RCSD1: variants seen among roughly 807,000 people sequenced by gnomAD.
RCSD1 encodes the protein capZ-interacting protein.
A neutral mutation model predicts 42.5 loss-of-function variants in RCSD1; 26 were observed. The ratio of observed to expected loss-of-function variants is 0.61; its 90% confidence interval spans 0.45 to 0.85. The LOEUF (loss-of-function observed/expected upper bound fraction) is 0.85. RCSD1 is among the 40% of genes least tolerant of loss of function. The pLI is 0.00. For synonymous variants in RCSD1, 220 were observed against 212.2 expected, an observed-to-expected ratio of 1.04 and a Z score of -0.32; for missense variants, 571 against 528.3, an observed-to-expected ratio of 1.08 and a Z score of -0.79.
At chr1:167,634,348 A>G (rs1657777302) in intron 1 of RCSD1, among the ~76,000 whole-genome samples, 1 of 152,026 alleles carries the variant, frequency 6.6e-6, no homozygotes, top group Non-Finnish European at 1.5e-5. Flanking sequence ...TTGTTGCATG[A>G]GCAAATATTG....
At chr1:167,689,126 C>T (rs1571099484) in intron 3 of RCSD1, among the ~76,000 whole-genome samples, 1 of 152,110 alleles carries the variant, frequency 6.6e-6, no homozygotes, top group African/African-American at 2.4e-5. Flanking sequence ...CTGAATCATG[C>T]TCATCTTTGT....
At chr1:167,692,087 C>A (rs1659390996) in intron 4 of RCSD1, among the ~76,000 whole-genome samples, 1 of 148,772 alleles carries the variant, frequency 6.7e-6, no homozygotes, top group South Asian at 2.1e-4. Context: ...TGGGGAAACA[C>A]AACAACTTGA....
intron 1 of RCSD1, among the ~76,000 whole-genome samples, chr1:167,637,289 T>G (rs1403933891): frequency 1.3e-5 from 2 of 152,132 alleles, no homozygotes; most frequent in Non-Finnish European, 2.9e-5. Context: ...ATAAAGATAT[T>G]TGAGGACTAG....
At position 167,694,379 on chromosome 1, in the gene RCSD1, G is replaced by A. The variant is rs539079177; in HGVS notation, c.474+77G>A. The A allele has an allele frequency of 5.2e-5, 71 of 1,361,780 alleles. No individual in the cohort carries two copies. The South Asian group carries it at 8.7e-4, about 17-fold the overall frequency. 84.4% of individuals were successfully genotyped at this position (1,361,780 alleles called of 1,614,324 possible). A position where few individuals can be genotyped will look rare whatever the true frequency, so the allele number is the denominator to read the frequency against. ...GGCACCCCTGAATTTTCTCTACCCT[G>A]TTGTCCTGGAGAAAGGAGGAAACAT... On this transcript the variant is annotated intron_variant, in intron 5 of 6. Transcript: ENST00000367854.
At chr1:167,697,920 A>G (rs1350670743) in intron 6 of RCSD1, 78 bp downstream of exon 6, 6 of 1,359,096 alleles carry the variant, frequency 4.4e-6, no homozygotes, top group Admixed American at 3.4e-5. Flanking sequence ...CCTGTTCCGT[A>G]CAGTCCCTTC....
chr1:167,635,114 A>T (rs910191331), intron 1 of RCSD1, among the ~76,000 whole-genome samples: 2 of 152,196 alleles, frequency 1.3e-5, no homozygotes, highest in African/African-American at 4.8e-5. Context: ...TCCAAATCTT[A>T]AAAAGATTAT....
At position 167,630,401 on chromosome 1, in the gene RCSD1, C is replaced by T. The variant is rs1397132489; in HGVS notation, c.-23C>T. 1 of 1,520,568 alleles carries T rather than the reference C, an allele frequency of 6.6e-7. No individual in the cohort carries two copies. The highest frequency in any genetic ancestry group is 2.0e-5 in the Admixed American group (1 of 49,862). The allele number at this position is 1,520,568 out of a possible 1,614,324, so 94.2% of individuals were successfully genotyped here. A position where few individuals can be genotyped will look rare whatever the true frequency, so the allele number is the denominator to read the frequency against. ...GGCCCGGGCGAGCGGGTGCGTCTGC[C>T]GCAGAGTCGGCACCTGAAGGACATG... On this transcript the variant is annotated 5_prime_UTR_variant, in exon 1 of 7. Transcript: ENST00000367854.
chr1:167,650,529 T>C (rs1658275347), intron 1 of RCSD1, among the ~76,000 whole-genome samples: 1 of 152,100 alleles, frequency 6.6e-6, no homozygotes, highest in Non-Finnish European at 1.5e-5. Context: ...TGGGTCCAGC[T>C]CTGGCCTGGT....
At chr1:167,682,860 G>T (rs1659115786) in intron 1 of RCSD1, among the ~76,000 whole-genome samples, 1 of 152,162 alleles carries the variant, frequency 6.6e-6, no homozygotes, top group East Asian at 1.9e-4. Flanking sequence ...AGTGCAGGGG[G>T]AGTTCGAAGT....
chr1:167,640,346 G>A (rs1452439913), intron 1 of RCSD1: 1 of 152,212 alleles, frequency 6.6e-6, no homozygotes, highest in Non-Finnish European at 1.5e-5. Flanking sequence ...TCCTTGACTT[G>A]TGGCCACATC....
intron 1 of RCSD1, among the ~76,000 whole-genome samples, chr1:167,681,494 T>C (rs1659080879): frequency 6.6e-6 from 1 of 152,210 alleles, no homozygotes; most frequent in Non-Finnish European, 1.5e-5. Context: ...ATAGAATCTT[T>C]CCTTCAACCC....
rs892214052 is a variant in RCSD1, at chr1:167,707,840, A to G, written c.*3144A>G. ...CAACCTAATAGCTCGGATTACAAGTATGCACCACCATGCCCAGCTAATTTT... is the reference window on the plus strand; with the variant it reads ...CAACCTAATAGCTCGGATTACAAGTGTGCACCACCATGCCCAGCTAATTTT... On this transcript the variant is annotated 3_prime_UTR_variant, in exon 7 of 7. Transcript: ENST00000367854. Among the ~76,000 whole-genome samples the G allele has an allele frequency of 6.6e-6, 1 of 152,106 alleles. No individual in the cohort carries two copies. The highest frequency in any genetic ancestry group is 1.5e-5 in the Non-Finnish European group (1 of 68,010).
chr1:167,630,755 T>TAAAAAAAAAAAAAAAA (rs1657678193), intron 1 of RCSD1: 1 of 102,852 alleles, frequency 9.7e-6, no homozygotes, highest in Non-Finnish European at 1.8e-5. Flanking sequence ...AAAAAAAAAG[T>TAAAAAAAAAAAAAAAA]TAGGTGCAGC....
chr1:167,691,654 C>G (rs76242519), intron 4 of RCSD1, among the ~76,000 whole-genome samples: 1,786 of 152,380 alleles, frequency 0.012, 33 homozygotes, highest in African/African-American at 0.042. Context: ...AGCCTCTGTA[C>G]TTCCCAGCCA....
chr1:167,645,463 G>T (rs1052863334), intron 1 of RCSD1, among the ~76,000 whole-genome samples: 16 of 152,326 alleles, frequency 1.1e-4, no homozygotes, highest in African/African-American at 3.8e-4. Flanking sequence ...GCAGGACACA[G>T]GATATGCTAA....
intron 6 of RCSD1, among the ~76,000 whole-genome samples, chr1:167,699,154 A>G (rs2101723380): frequency 6.6e-6 from 1 of 151,900 alleles, no homozygotes; most frequent in East Asian, 1.9e-4. Flanking sequence ...TATATAATCC[A>G]TTCTCTGGAC....
At chr1:167,643,020 G>A (rs1002014576) in intron 1 of RCSD1, among the ~76,000 whole-genome samples, 14 of 152,236 alleles carry the variant, frequency 9.2e-5, no homozygotes, top group Non-Finnish European at 1.8e-4. Flanking sequence ...CTGGGTTTTA[G>A]GTTCAGGGTC....
chr1:167,633,947 T>C (rs1429192267), intron 1 of RCSD1: 2 of 152,196 alleles, frequency 1.3e-5, no homozygotes, highest in Non-Finnish European at 2.9e-5. Context: ...AAGTTCTCTA[T>C]GGTGCCAGGG....
At chr1:167,641,177 C>A (rs144676932) in intron 1 of RCSD1, among the ~76,000 whole-genome samples, 1 of 151,970 alleles carries the variant, frequency 6.6e-6, no homozygotes, top group African/African-American at 2.4e-5. Flanking sequence ...GTCTCCAGGC[C>A]GCTATGGAGC....
Sources: gnomAD v4.1 joint callset for allele counts (sites outside exome capture counted in the v4.1 genomes callset) on GRCh38, gnomAD v4.1.1 for gene constraint, MANE v1.5 for transcripts, NCBI Gene and HGNC (gene_info 2026-07-23, HGNC 2026-07-21) for gene names.